The following FOXP1 variants were observed in gnomAD, a reference collection of about 807,000 sequenced individuals.
FOXP1 encodes forkhead box protein P1.
A neutral mutation model predicts 98.2 loss-of-function variants in FOXP1; 15 were observed. That is an observed-to-expected ratio of 0.15 (90% confidence interval 0.10 to 0.24). The LOEUF is 0.24. Among genes scored for constraint, FOXP1 ranks in the 10% least tolerant of loss-of-function variants. FOXP1 has a pLI of 1.00. For synonymous variants in FOXP1, 371 were observed against 314.5 expected (o/e 1.18, Z -1.90); for missense variants, 633 against 848.5 (o/e 0.75, Z 3.15).
intron 7 of FOXP1, among the ~76,000 whole-genome samples, chr3:71,068,507 G>T (rs145223149): frequency 3.3e-5 from 5 of 152,300 alleles, no homozygotes; most frequent in Admixed American, 3.3e-4. Context: ...CAGTTCCAAC[G>T]AAAGGCCTGC....
chr3:71,033,608 A>C (rs539608878), intron 11 of FOXP1, among the ~76,000 whole-genome samples: 2,746 of 114,098 alleles, frequency 0.024, 53 homozygotes, highest in African/African-American at 0.14. Context: ...CAGTCAAAAA[A>C]AAAAAAAAAA....
chr3:70,986,075 G>C (rs964004859), intron 14 of FOXP1, among the ~76,000 whole-genome samples: 1 of 152,152 alleles, frequency 6.6e-6, no homozygotes, highest in Non-Finnish European at 1.5e-5. Context: ...AATTTAGTAG[G>C]AGGTCCCCTT....
intron 13 of FOXP1, among the ~76,000 whole-genome samples, chr3:70,992,164 T>A (rs540936639): frequency 6.6e-5 from 10 of 152,066 alleles, no homozygotes; most frequent in Non-Finnish European, 1.3e-4. Context: ...GGCTTGGAAG[T>A]AGGTATTTTT....
intron 12 of FOXP1, among the ~76,000 whole-genome samples, chr3:71,009,764 T>C (rs2043313867): frequency 6.6e-6 from 1 of 152,108 alleles, no homozygotes; most frequent in South Asian, 2.1e-4. Context: ...TATTTAATTT[T>C]TAGAGACAAG....
At chr3:70,963,691 G>A (rs3773495) in intron 20 of FOXP1, among the ~76,000 whole-genome samples, 4 of 152,180 alleles carry the variant, frequency 2.6e-5, no homozygotes, top group Non-Finnish European at 5.9e-5. Context: ...GCTGACTGGC[G>A]TTTAAAGGCA....
chr3:70,981,169 G>A (rs1169744049), intron 14 of FOXP1, among the ~76,000 whole-genome samples: 1 of 113,464 alleles, frequency 8.8e-6, no homozygotes, highest in Non-Finnish European at 1.6e-5. Flanking sequence ...TACCAAGATC[G>A]CACCACTAGG....
chr3:71,417,910 G>A (rs1212219489), intron 3 of FOXP1, among the ~76,000 whole-genome samples: 5 of 151,754 alleles, frequency 3.3e-5, no homozygotes, highest in African/African-American at 1.2e-4. Context: ...ATGCTGTTTA[G>A]ACAAACACCC....
intron 7 of FOXP1, among the ~76,000 whole-genome samples, chr3:71,083,596 G>C (rs1251458916): frequency 6.6e-6 from 1 of 152,186 alleles, no homozygotes; most frequent in Non-Finnish European, 1.5e-5. Flanking sequence ...CTCTTTCTGA[G>C]GGGTTGCTAA....
intron 3 of FOXP1, among the ~76,000 whole-genome samples, chr3:71,372,896 C>T (rs115005256): frequency 0.013 from 1,988 of 152,244 alleles, 42 homozygotes; most frequent in African/African-American, 0.045. Context: ...CCTTCTATGT[C>T]GTAAATGACC....
intron 2 of FOXP1, among the ~76,000 whole-genome samples, chr3:71,508,584 A>G (rs934923965): frequency 6.6e-5 from 10 of 152,234 alleles, no homozygotes; most frequent in African/African-American, 2.4e-4. Context: ...AGGGCTCTGT[A>G]ATATGAGTGA....
chr3:71,294,657 G>A (rs554528939), intron 5 of FOXP1, among the ~76,000 whole-genome samples: 1 of 152,206 alleles, frequency 6.6e-6, no homozygotes, highest in South Asian at 2.1e-4. Context: ...CTAGATTGGA[G>A]CAACTGAATC....
intron 6 of FOXP1, among the ~76,000 whole-genome samples, chr3:71,186,363 T>C (rs1195193126): frequency 6.6e-6 from 1 of 152,224 alleles, no homozygotes; most frequent in Admixed American, 6.5e-5. Context: ...AGAGGAATGA[T>C]GACAATTAGA....
chr3:71,003,852 G>A lies in FOXP1; in HGVS notation c.975-2793C>T, dbSNP rs1428430853. On this transcript the variant is annotated intron_variant, in intron 12 of 20. Transcript: ENST00000649528. ...TTCATTTCACTACTTCATTATGCTC[G>A]CTAATGGATCCAATATATTATATAT... Among the ~76,000 whole-genome samples, 9 of 152,076 alleles carry A rather than the reference G, an allele frequency of 5.9e-5. No homozygotes were observed. The South Asian group carries it at 6.2e-4, about 11-fold the overall frequency.
chr3:70,964,317 C>G (rs2034269742), intron 20 of FOXP1, among the ~76,000 whole-genome samples: 1 of 152,178 alleles, frequency 6.6e-6, no homozygotes, highest in African/African-American at 2.4e-5. Flanking sequence ...CAAATTAACC[C>G]TGCAGTGACT....
rs369034803 is a variant in FOXP1 at position 71,291,183 on chromosome 3, G to GCTGT, written c.-12+8633_-12+8636dup. On this transcript the variant is annotated intron_variant, in intron 5 of 20. Coordinates refer to ENST00000649528, the MANE Select transcript of FOXP1 (RefSeq NM_001349338.3). Reference sequence around the variant, plus strand: ...AATGAGCAGAGGGCTTGGTGGCTGTGCTGTCCACTGCTATATCCAGCAACA... The same window carrying GCTGT: ...AATGAGCAGAGGGCTTGGTGGCTGTGCTGTCTGTCCACTGCTATATCCAGCAACA... Among the ~76,000 whole-genome samples the GCTGT allele has an allele frequency of 4.2e-3, 633 of 152,300 alleles. 5 individuals are homozygous for GCTGT. The highest frequency in any genetic ancestry group is 0.014 in the African/African-American group (597 of 41,564).
intron 6 of FOXP1, among the ~76,000 whole-genome samples, chr3:71,133,402 C>T (rs2059666915): frequency 6.6e-6 from 1 of 152,206 alleles, no homozygotes; most frequent in South Asian, 2.1e-4. Context: ...AGTCGTCTCG[C>T]TCTGGGCCTC....
intron 6 of FOXP1, among the ~76,000 whole-genome samples, chr3:71,168,626 A>G (rs1022733571): frequency 6.6e-6 from 1 of 152,254 alleles, no homozygotes; most frequent in African/African-American, 2.4e-5. Flanking sequence ...TTTACAGGAA[A>G]AGAAGCTGGG....
chr3:71,364,501 G>C (rs1476014006), intron 3 of FOXP1, among the ~76,000 whole-genome samples: 1 of 152,148 alleles, frequency 6.6e-6, no homozygotes, highest in Non-Finnish European at 1.5e-5. Context: ...CCAGTTGACA[G>C]TTTCCTAGTT....
At chr3:71,558,800 CACT>C (rs2046331764) in intron 2 of FOXP1, among the ~76,000 whole-genome samples, 1 of 115,576 alleles carries the variant, frequency 8.7e-6, no homozygotes, top group African/African-American at 3.4e-5. Flanking sequence ...AGCCGATTCT[CACT>C]TTTTTTTTTT....
Sources: allele counts gnomAD v4.1 joint callset (sites outside exome capture counted in the v4.1 genomes callset), GRCh38; gene constraint gnomAD v4.1.1; transcripts MANE v1.5; gene names NCBI Gene and HGNC (gene_info 2026-07-23, HGNC 2026-07-21).